The following PRKCB variants were observed in gnomAD, a reference collection of about 807,000 sequenced individuals.
PRKCB encodes the protein protein kinase C beta.
Under a neutral mutation model 81.5 loss-of-function variants are expected in PRKCB, and 13 were observed. The observed-to-expected ratio is 0.16, with a 90% CI of 0.10 to 0.25. PRKCB has a LOEUF of 0.25. PRKCB is among the 10% of genes least tolerant of loss of function. The pLI is 1.00. For missense variants in PRKCB, 509 were observed against 875.7 expected (o/e 0.58, Z 5.29); for synonymous variants, 335 against 321.4 (o/e 1.04, Z -0.45).
rs1968267481 is a variant in PRKCB, at chr16:24,218,446, G to A, written c.*3630G>A. ...CCCTACCCAGGAAACAGCTCCATCA[G>A]CATCTTAGCCTGCCCCACTCTAGCC... is the stretch of plus-strand genomic sequence containing the variant. On this transcript the variant is annotated 3_prime_UTR_variant, in exon 17 of 17. Transcript: ENST00000643927. 2 of 985,344 alleles carry A rather than the reference G, an allele frequency of 2.0e-6. No individual in the cohort carries two copies. The highest frequency in any genetic ancestry group is 4.7e-5 in the South Asian group (1 of 21,288). 61.0% of individuals were successfully genotyped at this position (985,344 alleles called of 1,614,324 possible).
intron 2 of PRKCB, among the ~76,000 whole-genome samples, chr16:23,864,895 C>G (rs1962745639): frequency 6.6e-6 from 1 of 152,100 alleles, no homozygotes; most frequent in Admixed American, 6.6e-5. Context: ...ATGCCCTCTC[C>G]CTCTTGGGGT....
At chr16:24,080,844 T>C (rs1208405578) in intron 5 of PRKCB, among the ~76,000 whole-genome samples, 5 of 152,274 alleles carry the variant, frequency 3.3e-5, no homozygotes, top group South Asian at 4.2e-4. Flanking sequence ...TAAAAAGTGC[T>C]TAAAAGGAAA....
chr16:23,956,530 G>T (rs948967505), intron 2 of PRKCB, among the ~76,000 whole-genome samples: 1 of 152,134 alleles, frequency 6.6e-6, no homozygotes, highest in Non-Finnish European at 1.5e-5. Context: ...ACACTCTTGG[G>T]CACTGTAGTG....
At chr16:24,082,819 C>T (rs1381589562) in intron 5 of PRKCB, among the ~76,000 whole-genome samples, 2 of 148,030 alleles carry the variant, frequency 1.4e-5, no homozygotes, top group Non-Finnish European at 3.0e-5. Flanking sequence ...CACTTAAAAA[C>T]GTGACCCATA....
chr16:24,217,035 T>C lies in PRKCB; in HGVS notation c.*2219T>C. The C allele has an allele frequency of 5.1e-6, 5 of 983,026 alleles. No homozygotes were observed. The highest frequency in any genetic ancestry group is 6.0e-6 in the Non-Finnish European group (5 of 829,662). 60.9% of individuals were successfully genotyped at this position (983,026 alleles called of 1,614,324 possible). A position where few individuals can be genotyped will look rare whatever the true frequency, so the allele number is the denominator to read the frequency against. On this transcript the variant is annotated 3_prime_UTR_variant, in exon 17 of 17. Transcript: ENST00000643927. ...AAAACCATGGAGAAACACTAGGCCA[T>C]TGACAAATGATCTGAGACAACTTTA...
At chr16:24,193,180 C>A (rs198147) in intron 16 of PRKCB, among the ~76,000 whole-genome samples, 1 of 151,518 alleles carries the variant, frequency 6.6e-6, no homozygotes, top group Non-Finnish European at 1.5e-5. Context: ...CGGTGCCTCA[C>A]GCCTATAATC....
At chr16:23,907,268 G>A (rs1039433368) in intron 2 of PRKCB, among the ~76,000 whole-genome samples, 6 of 152,192 alleles carry the variant, frequency 3.9e-5, no homozygotes, top group Non-Finnish European at 8.8e-5. Context: ...AGCCTGGGTC[G>A]AGCAGACCTC....
chr16:23,836,231 G>T lies in PRKCB; in HGVS notation c.56G>T (p.Arg19Leu). 6.3e-7 allele frequency: 1 copy of T among 1,599,608 alleles called. No homozygotes were observed. Among genetic ancestry groups the T allele is most frequent in the Non-Finnish European group, 8.5e-7 (1 of 1,173,594 alleles). The change falls in exon 1 of 17, where the codon CGC (arginine) becomes CTC (leucine). Residue 19 changes from arginine (R) to leucine (L), a missense_variant. Physicochemically the swap from Arg to Leu is moderately radical, Grantham distance 102. Transcript: ENST00000643927. ...PPSEGEESTVRFARKGALRQK... is the reference protein window; with the variant it reads ...PPSEGEESTVLFARKGALRQK... Reference sequence around the variant, plus strand: ...AGCGAGGGCGAGGAGAGCACCGTGCGCTTCGCCCGCAAAGGCGCCCTCCGG... The same window carrying T: ...AGCGAGGGCGAGGAGAGCACCGTGCTCTTCGCCCGCAAAGGCGCCCTCCGG...
intron 10 of PRKCB, among the ~76,000 whole-genome samples, chr16:24,158,654 A>G (rs387679): frequency 6.6e-6 from 1 of 151,050 alleles, no homozygotes; most frequent in African/African-American, 2.5e-5. Flanking sequence ...GTGTGTGTAT[A>G]TGTATAAGTA....
At chr16:23,989,611 C>T (rs1249063278) in intron 3 of PRKCB, among the ~76,000 whole-genome samples, 1 of 151,912 alleles carries the variant, frequency 6.6e-6, no homozygotes, top group Non-Finnish European at 1.5e-5. Context: ...AATTTCCTAC[C>T]TAAGTAAAGA....
intron 15 of PRKCB, among the ~76,000 whole-genome samples, chr16:24,189,361 C>T (rs554987455): frequency 9.2e-5 from 14 of 152,132 alleles, no homozygotes; most frequent in South Asian, 2.1e-4. Flanking sequence ...AGTAGCAGCT[C>T]GGCGCGGTGG....
chr16:24,158,954 C>A (rs1423066505), intron 10 of PRKCB, among the ~76,000 whole-genome samples: 3 of 152,294 alleles, frequency 2.0e-5, no homozygotes, highest in South Asian at 2.1e-4. Flanking sequence ...AGCCACCACA[C>A]CCAGCCTGAA....
intron 16 of PRKCB, among the ~76,000 whole-genome samples, chr16:24,206,994 G>A (rs1359067144): frequency 1.3e-5 from 2 of 152,176 alleles, no homozygotes; most frequent in Non-Finnish European, 2.9e-5. Context: ...GCAGAGGCAC[G>A]ATCATAGCTT....
chr16:23,902,780 T>TCCTTCCTTCCTTCCTCCCGC (rs1567307987), intron 2 of PRKCB, among the ~76,000 whole-genome samples: 1 of 27,364 alleles, frequency 3.7e-5, no homozygotes, highest in Admixed American at 4.6e-4. Context: ...CTTCCTTCCT[T>TCCTTCCTTCCTTCCTCCCGC]CCTCCCTCCC....
At chr16:24,173,095 A>G (rs535720127) in intron 11 of PRKCB, among the ~76,000 whole-genome samples, 13 of 149,606 alleles carry the variant, frequency 8.7e-5, no homozygotes, top group African/African-American at 3.2e-4. Flanking sequence ...ATCTTACACC[A>G]CTCTCCGTCT....
At chr16:24,162,549 A>G (rs377314251) in intron 10 of PRKCB, among the ~76,000 whole-genome samples, 35 of 150,174 alleles carry the variant, frequency 2.3e-4, no homozygotes, top group African/African-American at 8.1e-4. Flanking sequence ...CCTGGGCTCA[A>G]GCGATCCCCC....
At chr16:24,211,721 G>A (rs574564118) in intron 16 of PRKCB, among the ~76,000 whole-genome samples, 51 of 152,116 alleles carry the variant, frequency 3.4e-4, no homozygotes, top group African/African-American at 1.1e-3. Context: ...ACCACGCCTG[G>A]CTAATTTTTT....
intron 2 of PRKCB, among the ~76,000 whole-genome samples, chr16:23,857,103 T>C (rs1962580063): frequency 6.6e-6 from 1 of 152,222 alleles, no homozygotes; most frequent in African/African-American, 2.4e-5. Context: ...TTTATTATCA[T>C]CTTTCAGCTT....
intron 11 of PRKCB, 52 bp from the exon 12 acceptor site, chr16:24,174,465 GC>G (rs1967495662): frequency 6.7e-7 from 1 of 1,503,154 alleles, no homozygotes; most frequent in South Asian, 1.2e-5. Flanking sequence ...GCATTGCCAA[GC>G]ATATGGTGTC....
Sources: allele counts gnomAD v4.1 joint callset (sites outside exome capture counted in the v4.1 genomes callset), GRCh38; gene constraint gnomAD v4.1.1; transcripts MANE v1.5; gene names NCBI Gene and HGNC (gene_info 2026-07-23, HGNC 2026-07-21).